SLC60A1: variants seen among roughly 807,000 people sequenced by gnomAD.
SLC60A1 encodes major facilitator superfamily domain containing 4.
chr1:205,577,661 C>T, the SLC60A1 span, among the ~76,000 whole-genome samples: 1 of 152,328 alleles, frequency 6.6e-6, no homozygotes, highest in Middle Eastern at 3.4e-3. This position sits in a 1 kb window ranked among gnomAD's most constrained non-coding sequence, Gnocchi z 5.2. Context: ...TGGCTCCTTC[C>T]TCTCCCCTCC....
At chr1:205,582,235 G>T in the SLC60A1 span, among the ~76,000 whole-genome samples, 1 of 152,220 alleles carries the variant, frequency 6.6e-6, no homozygotes, top group Non-Finnish European at 1.5e-5. Context: ...AGACCAGGAA[G>T]CCGGAAGGTC....
the SLC60A1 span, among the ~76,000 whole-genome samples, chr1:205,570,317 C>G: frequency 1.3e-5 from 2 of 152,246 alleles, no homozygotes; most frequent in African/African-American, 2.4e-5. Flanking sequence ...TTTCCCCAGT[C>G]CCAGCTCCTG....
At chr1:205,575,993 T>C in the SLC60A1 span, among the ~76,000 whole-genome samples, 10 of 152,294 alleles carry the variant, frequency 6.6e-5, no homozygotes, top group Admixed American at 2.0e-4. Flanking sequence ...ACTCCTCTCT[T>C]TTCCCCTATC....
the SLC60A1 span, among the ~76,000 whole-genome samples, chr1:205,573,702 A>C: frequency 6.6e-6 from 1 of 151,956 alleles, no homozygotes; most frequent in Non-Finnish European, 1.5e-5. Context: ...TTTCTTTTTT[A>C]TTTTTATTTT....
the SLC60A1 span, among the ~76,000 whole-genome samples, chr1:205,592,923 G>GT: frequency 3.5e-4 from 53 of 152,284 alleles, no homozygotes; most frequent in African/African-American, 1.2e-3. Context: ...CTAATTTTCA[G>GT]TAACAGTACG....
chr1:205,569,050 C>T, the SLC60A1 span: 2 of 1,447,380 alleles, frequency 1.4e-6, no homozygotes, highest in African/African-American at 3.0e-5. Context: ...ACCAGATCCG[C>T]GAGCCCGTCA....
the SLC60A1 span, among the ~76,000 whole-genome samples, chr1:205,591,839 G>A: frequency 6.6e-6 from 1 of 152,222 alleles, no homozygotes; most frequent in Non-Finnish European, 1.5e-5. Context: ...AGACCTTGGG[G>A]ACAGGTAGTC....
chr1:205,591,168 A>G, the SLC60A1 span, among the ~76,000 whole-genome samples: 151,271 of 152,306 alleles, frequency 0.99, 75,133 homozygotes, highest in East Asian at 1. Context: ...ACATGCCTGT[A>G]TGACAGAGAC....
the SLC60A1 span, chr1:205,600,594 TGGGTA>T: frequency 7.5e-6 from 6 of 800,950 alleles, no homozygotes; most frequent in Non-Finnish European, 1.2e-5. Flanking sequence ...AAAACTTGGT[TGGGTA>T]GAGGAAATTA....
the SLC60A1 span, chr1:205,602,835 T>C: frequency 6.6e-6 from 1 of 152,376 alleles, no homozygotes; most frequent in South Asian, 2.1e-4. Context: ...ATATCGAAGT[T>C]GATTGTGACT....
chr1:205,597,694 T>G, the SLC60A1 span: 1 of 1,436,580 alleles, frequency 7.0e-7, no homozygotes, highest in Non-Finnish European at 9.8e-7. Flanking sequence ...CATATGCCAC[T>G]GTGCCTGGCC....
chr1:205,580,805 G>A, the SLC60A1 span: 7,932 of 1,614,110 alleles, frequency 4.9e-3, 198 homozygotes, highest in Admixed American at 0.062. This position sits in a 1 kb window ranked among gnomAD's most constrained non-coding sequence, Gnocchi z 5.0. Flanking sequence ...CAGGGTGCTG[G>A]GCCAGCACCA....
the SLC60A1 span, among the ~76,000 whole-genome samples, chr1:205,591,681 C>G: frequency 6.6e-6 from 1 of 152,082 alleles, no homozygotes; most frequent in African/African-American, 2.4e-5. Context: ...CCCCTGCTAT[C>G]TGATGGCTTC....
the SLC60A1 span, among the ~76,000 whole-genome samples, chr1:205,589,198 A>G: frequency 6.6e-6 from 1 of 152,196 alleles, no homozygotes; most frequent in African/African-American, 2.4e-5. Context: ...CATCTGTCCC[A>G]GGCTCCTAAG....
the SLC60A1 span, chr1:205,580,644 C>CCCCCCCCCCT: frequency 6.2e-7 from 1 of 1,603,358 alleles, no homozygotes; most frequent in Non-Finnish European, 8.5e-7. This position sits in a 1 kb window ranked among gnomAD's most constrained non-coding sequence, Gnocchi z 5.0. Flanking sequence ...CACCCGCCAC[C>CCCCCCCCCCT]TCTCCTCTGT....
the SLC60A1 span, chr1:205,597,804 CAG>C: frequency 1.9e-6 from 3 of 1,614,018 alleles, no homozygotes; most frequent in Non-Finnish European, 2.5e-6. Context: ...GTGCTGGTGA[CAG>C]GGGCAGGAGT....
chr1:205,583,853 T>C, the SLC60A1 span: 1 of 1,397,094 alleles, frequency 7.2e-7, no homozygotes, highest in African/African-American at 1.4e-5. Context: ...AGAAAAGAGC[T>C]GTCTTCTCCC....
the SLC60A1 span, chr1:205,580,015 C>A: frequency 6.7e-7 from 1 of 1,500,976 alleles, no homozygotes; most frequent in South Asian, 1.3e-5. The surrounding 1 kb of genome is among the most constrained non-coding windows in gnomAD (Gnocchi z 5.0). Context: ...TAGGCCCCCT[C>A]AGTCTCTCCC....
the SLC60A1 span, among the ~76,000 whole-genome samples, chr1:205,591,290 C>A: frequency 1.8e-4 from 27 of 151,900 alleles, 1 homozygote; most frequent in Non-Finnish European, 3.7e-4. Context: ...CAAGACCAGC[C>A]TGGGCAACAT....
Sources: allele counts gnomAD v4.1 joint callset (sites outside exome capture counted in the v4.1 genomes callset), GRCh38; gene constraint gnomAD v4.1.1; non-coding constraint Gnocchi (gnomAD v3.1); transcripts MANE v1.5; gene names NCBI Gene and HGNC (gene_info 2026-07-23, HGNC 2026-07-21).